Variants in TET1 observed in about 807,000 individuals in gnomAD.
TET1 encodes the protein methylcytosine dioxygenase TET1.
Under a neutral mutation model 148.7 loss-of-function variants are expected in TET1, and 13 were observed. That is an observed-to-expected ratio of 0.09 (90% CI 0.06 to 0.14). TET1 has a LOEUF of 0.14. TET1 is among the 10% of genes least tolerant of loss of function. The pLI is 1.00. For synonymous variants in TET1, 907 were observed against 937.2 expected (o/e 0.97, Z 0.59); for missense variants, 2,182 against 2,553.8 (o/e 0.85, Z 3.14).
chr10:68,646,610 A>T lies in TET1; in HGVS notation c.3881A>T (p.Gln1294Leu), dbSNP rs765659978. ...GTACAGTTAACGGTGAATGCCAATC[A>T]GAAAGCCCATCCTTTGACCCAGCCC... ...SQVQLTVNANQKAHPLTQPSS... is the reference protein window; with the variant it reads ...SQVQLTVNANLKAHPLTQPSS... Residue 1294 changes from glutamine to leucine, a missense_variant, in exon 4 of 12, where the codon CAG becomes CTG. By Grantham distance (113) the Gln-to-Leu change is moderately radical. Around this residue, in one of 11 missense-constraint regions of TET1, gnomAD observed 582 missense variants for 599.5 expected, o/e 0.97. Transcript: ENST00000373644. 1 of 1,614,236 alleles carries T rather than the reference A, an allele frequency of 6.2e-7. No homozygotes were observed. The highest frequency in any genetic ancestry group is 1.1e-5 in the South Asian group (1 of 91,082).
chr10:68,658,698 A>C (rs1487201500), intron 6 of TET1, among the ~76,000 whole-genome samples: 1 of 152,128 alleles, frequency 6.6e-6, no homozygotes, highest in Non-Finnish European at 1.5e-5. Context: ...ATCTTGTCAG[A>C]AACAAGTTAT....
At chr10:68,603,838 T>C (rs2054089074) in intron 3 of TET1, among the ~76,000 whole-genome samples, 1 of 152,176 alleles carries the variant, frequency 6.6e-6, no homozygotes, top group South Asian at 2.1e-4. Context: ...TACTTCAAAA[T>C]TAAAAACTAA....
chr10:68,595,961 TACACACACACACACAC>T (rs781144879), intron 2 of TET1, among the ~76,000 whole-genome samples: 24 of 37,210 alleles, frequency 6.4e-4, no homozygotes, highest in South Asian at 1.2e-3. Context: ...TATATATATA[TACACACACACACACAC>T]ATATATACAC....
At chr10:68,622,194 C>T (rs1041917770) in intron 3 of TET1, among the ~76,000 whole-genome samples, 6 of 119,732 alleles carry the variant, frequency 5.0e-5, no homozygotes, top group African/African-American at 1.9e-4. Flanking sequence ...TCCTTCCTTC[C>T]TTCCTTCCTT....
chr10:68,636,810 AG>A (rs1315972335), intron 3 of TET1, among the ~76,000 whole-genome samples: 1 of 152,164 alleles, frequency 6.6e-6, no homozygotes, highest in Non-Finnish European at 1.5e-5. Flanking sequence ...ACAGTTTCTC[AG>A]ATCCACTTTT....
chr10:68,690,243 C>A lies in TET1; in HGVS notation c.5405-565C>A, dbSNP rs116271029. On this transcript the variant is annotated intron_variant, in intron 11 of 11. Transcript: ENST00000373644. ...AATTCTAATATTTTACTATTTCAAA[C>A]AATGAACAGCCATCCTTTTGGCTAG... Among the ~76,000 whole-genome samples, 575 of 152,224 alleles carry A rather than the reference C, an allele frequency of 3.8e-3. 4 individuals are homozygous for A. Among genetic ancestry groups the A allele is most frequent in the African/African-American group, 0.013 (541 of 41,544 alleles).
rs1218152390 is a variant in TET1, at chr10:68,640,462, CCAT to C, written c.1969-4234_1969-4232del. ...TATTTTTAGTAGAGATGGGGTTTCA[CCAT>C]CTTGGCCAGGCTGGTCTTGATCTCC... On this transcript the variant is annotated intron_variant, in intron 3 of 11. Coordinates refer to ENST00000373644, the MANE Select transcript of TET1 (RefSeq NM_030625.3). 2.0e-5 allele frequency among the ~76,000 whole-genome samples: 3 copies of C among 149,896 alleles called. No individual in the cohort carries two copies. In the East Asian group the frequency reaches 5.9e-4, roughly 29 times the overall value.
chr10:68,686,206 TA>T, intron 10 of TET1, 149 bp from the exon 11 acceptor site: 2 of 666,986 alleles, frequency 3.0e-6, no homozygotes, highest in Non-Finnish European at 4.9e-6. Flanking sequence ...TGGCTTGATA[TA>T]AAATAATAAT....
rs946364803 is a variant in TET1, at chr10:68,573,429, T to C, written c.1091T>C (p.Phe364Ser). The C allele has an allele frequency of 6.2e-7, 1 of 1,614,176 alleles. No individual in the cohort carries two copies. Among genetic ancestry groups the C allele is most frequent in the Non-Finnish European group, 8.5e-7 (1 of 1,180,034 alleles). ...NQQEVSDTTS[F>S]LGQAFGAIPH... ...CAGGAAGTTTCTGATACCACCTCTT[T>C]CCTAGGACAGGCCTTTGGTGCTATC... The change falls in exon 2 of 12, where the codon TTC becomes TCC. Residue 364 changes from phenylalanine (F) to serine (S), a missense_variant. Coordinates refer to ENST00000373644, the MANE Select transcript of TET1 (RefSeq NM_030625.3).
intron 3 of TET1, among the ~76,000 whole-genome samples, chr10:68,637,924 C>G (rs2133053962): frequency 1.3e-5 from 2 of 151,962 alleles, no homozygotes; most frequent in South Asian, 2.1e-4. Context: ...GGATTACAGG[C>G]ATGTGCCACC....
rs528014242 is a variant in TET1, at chr10:68,580,826, C to T, written c.1914+6574C>T. On this transcript the variant is annotated intron_variant, in intron 2 of 11. Coordinates refer to ENST00000373644, the MANE Select transcript of TET1 (RefSeq NM_030625.3). ...AAAAAATATATATATATATATATGG[C>T]GTGATGGTGGCCCACACTTTTGTAA... is the stretch of plus-strand genomic sequence containing the variant. Among the ~76,000 whole-genome samples the T allele has an allele frequency of 2.9e-5, 4 of 137,534 alleles. No individual in the cohort carries two copies. In the East Asian group the frequency reaches 6.2e-4, roughly 21 times the overall value. 90.2% of individuals were successfully genotyped at this position (137,534 alleles called of 152,430 possible).
At position 68,619,606 on chromosome 10, in the gene TET1, A is replaced by C. The variant is rs192960253; in HGVS notation, c.1968+18572A>C. Among the ~76,000 whole-genome samples, 274 of 152,306 alleles carry C rather than the reference A, an allele frequency of 1.8e-3. 3 individuals are homozygous for C. Among genetic ancestry groups the C allele is most frequent in the Admixed American group, 0.015 (225 of 15,272 alleles). The stretch of plus-strand genomic sequence containing the variant: ...ATAGTTGCATATATTCATGGGGTAC[A>C]AAACAACATTGCATTTTTATGAATA... On this transcript the variant is annotated intron_variant, in intron 3 of 11. Coordinates refer to ENST00000373644, the MANE Select transcript of TET1 (RefSeq NM_030625.3).
intron 3 of TET1, among the ~76,000 whole-genome samples, chr10:68,640,847 C>A (rs937675732): frequency 7.3e-5 from 11 of 151,206 alleles, no homozygotes; most frequent in Non-Finnish European, 1.5e-4. Flanking sequence ...CACCACCCAG[C>A]CTAAATATTA....
chr10:68,574,179 A>G lies in TET1; in HGVS notation c.1841A>G (p.Asn614Ser). Reference sequence around the variant, plus strand: ...TGCACTTACTGCAAGAACAGAAAGAACAGCCATCAGATCTGTAAGAAAAGA... The same window carrying G: ...TGCACTTACTGCAAGAACAGAAAGAGCAGCCATCAGATCTGTAAGAAAAGA... ...GECTYCKNRKNSHQICKKRKC... is the reference protein window; with the variant it reads ...GECTYCKNRKSSHQICKKRKC... Residue 614 changes from asparagine to serine, a missense_variant, in exon 2 of 12, where the codon AAC (asparagine) becomes AGC (serine). Around this residue, in one of 11 missense-constraint regions of TET1, gnomAD observed 226 missense variants for 307.4 expected, o/e 0.74. Coordinates refer to ENST00000373644, the MANE Select transcript of TET1 (RefSeq NM_030625.3). 1 of 1,613,842 alleles carries G rather than the reference A, an allele frequency of 6.2e-7. No individual in the cohort carries two copies. The highest frequency in any genetic ancestry group is 8.5e-7 in the Non-Finnish European group (1 of 1,180,032).
chr10:68,657,411 C>T (rs1465365538), intron 6 of TET1, among the ~76,000 whole-genome samples: 6 of 152,082 alleles, frequency 3.9e-5, no homozygotes, highest in African/African-American at 4.8e-5. Context: ...CTCCCGACCT[C>T]GTGATCCGCC....
At chr10:68,658,110 G>T (rs555835072) in intron 6 of TET1, among the ~76,000 whole-genome samples, 3 of 152,080 alleles carry the variant, frequency 2.0e-5, no homozygotes, top group East Asian at 3.9e-4. Flanking sequence ...ATCAAGCATC[G>T]TTTCATGATT....
At chr10:68,567,458 C>G (rs1027955328) in intron 1 of TET1, among the ~76,000 whole-genome samples, 13 of 151,996 alleles carry the variant, frequency 8.6e-5, no homozygotes, top group African/African-American at 2.9e-4. Flanking sequence ...CCACGCCCGG[C>G]TAATTTTGTA....
chr10:68,682,350 GATC>G lies in TET1; in HGVS notation c.4915-485_4915-483del, dbSNP rs2055448625. On this transcript the variant is annotated intron_variant, in intron 9 of 11. Transcript: ENST00000373644. Reference sequence around the variant, plus strand: ...TGCTCTCGAACTCCTGGCCACAAGTGATCTGCCCGCCTCAGCCTCCCAAACTGC... The same window carrying G: ...TGCTCTCGAACTCCTGGCCACAAGTGTGCCCGCCTCAGCCTCCCAAACTGC... 7.2e-5 allele frequency among the ~76,000 whole-genome samples: 11 copies of G among 152,016 alleles called. No homozygotes were observed. The South Asian group carries it at 2.3e-3, about 32-fold the overall frequency.
At chr10:68,654,377 A>AG (rs1313155473) in intron 6 of TET1, among the ~76,000 whole-genome samples, 3 of 152,118 alleles carry the variant, frequency 2.0e-5, no homozygotes, top group Non-Finnish European at 4.4e-5. Context: ...GCACTATGGG[A>AG]GGCCGAGTGG....
Sources: allele counts gnomAD v4.1 joint callset (sites outside exome capture counted in the v4.1 genomes callset), GRCh38; gene constraint gnomAD v4.1.1; regional missense constraint gnomAD v4.1.1; transcripts MANE v1.5; gene names NCBI Gene and HGNC (gene_info 2026-07-23, HGNC 2026-07-21).